FNDC8: variants seen among roughly 807,000 people sequenced by gnomAD.
FNDC8 encodes fibronectin type III domain-containing protein 8.
FNDC8 carries 23 observed loss-of-function variants against 24.8 expected under a neutral mutation model. The observed-to-expected ratio is 0.93, with a 90% CI of 0.67 to 1.31. The LOEUF (loss-of-function observed/expected upper bound fraction) is 1.31. Among genes scored for constraint, FNDC8 ranks in the 40% most tolerant of loss-of-function variants. The pLI is 0.00. For missense variants in FNDC8, 371 were observed against 398.2 expected (o/e 0.93, Z 0.58); for synonymous variants, 158 against 165.3 (o/e 0.96, Z 0.34).
chr17:35,122,208 A>ATATATATATAT (rs1567738641), intron 1 of FNDC8, among the ~76,000 whole-genome samples: 18 of 9,142 alleles, frequency 2.0e-3, no homozygotes, highest in East Asian at 5.9e-3. Flanking sequence ...ATATATATAT[A>ATATATATATAT]AATTTTTTTT....
intron 2 of FNDC8, among the ~76,000 whole-genome samples, 177 bp downstream of exon 2, chr17:35,127,594 G>A (rs375770360): frequency 2.0e-5 from 3 of 152,220 alleles, no homozygotes; most frequent in Non-Finnish European, 2.9e-5. Context: ...GTTCAGTGCT[G>A]TAGGAAAAGT....
intron 1 of FNDC8, among the ~76,000 whole-genome samples, chr17:35,123,628 C>T (rs895004724): frequency 6.6e-6 from 1 of 152,102 alleles, no homozygotes; most frequent in African/African-American, 2.4e-5. Flanking sequence ...GTCCCAGCTA[C>T]TCAAGAGGCT....
Position 35,121,638 on chromosome 17 carries a change from C to A in FNDC8, c.-56C>A. The A allele has an allele frequency of 6.4e-7, 1 of 1,568,184 alleles. No homozygotes were observed. Among genetic ancestry groups the A allele is most frequent in the Non-Finnish European group, 8.8e-7 (1 of 1,140,156 alleles). ...CCACTGCCCCCACAGTTTCTCTCTG[C>A]TTCTGGTCAGCTGGGTTGTCCTGCA... On this transcript the variant is annotated 5_prime_UTR_variant, in exon 1 of 4. Coordinates refer to ENST00000158009, the MANE Select transcript of FNDC8 (RefSeq NM_017559.4).
intron 3 of FNDC8, chr17:35,129,996 G>C (rs2091866669): frequency 2.2e-6 from 3 of 1,378,236 alleles, no homozygotes; most frequent in Non-Finnish European, 2.8e-6. Flanking sequence ...GGGAAGACAA[G>C]AGGCTAAAGG....
In FNDC8 at chr17:35,127,287, G is replaced by T. The variant is rs1184124612; in HGVS notation, c.455G>T (p.Gly152Val). Residue 152 changes from glycine (G) to valine (V), a missense_variant, in exon 2 of 4, where the codon GGC becomes GTC. By Grantham distance (109) the Gly-to-Val change is moderately radical. Transcript: ENST00000158009. ...CPSKSQMATRGLLDLDNPELE... is the reference protein window; with the variant it reads ...CPSKSQMATRVLLDLDNPELE... ...TCGAAGTCCCAGATGGCCACAAGGG[G>T]CCTGCTGGACCTTGACAACCCTGAG... is the stretch of plus-strand genomic sequence containing the variant. The T allele has an allele frequency of 6.2e-7, 1 of 1,614,088 alleles. No homozygotes were observed. Among genetic ancestry groups the T allele is most frequent in the Non-Finnish European group, 8.5e-7 (1 of 1,179,968 alleles).
At chr17:35,124,325 C>A (rs138161091) in intron 1 of FNDC8, among the ~76,000 whole-genome samples, 1 of 151,876 alleles carries the variant, frequency 6.6e-6, no homozygotes, top group African/African-American at 2.4e-5. Flanking sequence ...GTCAAGAGAT[C>A]GAGACCATCC....
intron 1 of FNDC8, among the ~76,000 whole-genome samples, chr17:35,124,096 C>T (rs1232965800): frequency 6.6e-6 from 1 of 152,140 alleles, no homozygotes; most frequent in Non-Finnish European, 1.5e-5. Flanking sequence ...GCTGATGAGG[C>T]TGGAACCTGG....
intron 3 of FNDC8, 67 bp downstream of exon 3, chr17:35,129,725 G>A: frequency 6.4e-7 from 1 of 1,561,628 alleles, no homozygotes; most frequent in South Asian, 1.2e-5. Flanking sequence ...CCAGGGCTTT[G>A]GAGGTTGGGA....
At chr17:35,130,074 A>G (rs2142495882) in intron 3 of FNDC8, 1 of 1,419,372 alleles carries the variant, frequency 7.0e-7, no homozygotes, top group East Asian at 2.6e-5. Context: ...GAGTACAGAC[A>G]GCCCTTTGGT....
chr17:35,123,566 C>T (rs1476127799), intron 1 of FNDC8, among the ~76,000 whole-genome samples: 2 of 152,030 alleles, frequency 1.3e-5, no homozygotes, highest in African/African-American at 4.8e-5. Context: ...GGTGAAACCT[C>T]GTCTCTACTA....
chr17:35,128,955 C>A, intron 2 of FNDC8: 1 of 168,848 alleles, frequency 5.9e-6, no homozygotes, highest in Non-Finnish European at 1.3e-5. Flanking sequence ...TAGATCCCTC[C>A]CATACAATTC....
At chr17:35,125,047 C>CAAAAAAAAAA (rs60189697) in intron 1 of FNDC8, among the ~76,000 whole-genome samples, 1 of 62,524 alleles carries the variant, frequency 1.6e-5, no homozygotes. Context: ...GACTCCAGCT[C>CAAAAAAAAAA]AAAAAAAAAA....
intron 1 of FNDC8, among the ~76,000 whole-genome samples, 182 bp downstream of exon 1, chr17:35,122,084 A>C (rs1414169261): frequency 8.0e-6 from 1 of 124,464 alleles, no homozygotes; most frequent in African/African-American, 3.0e-5. Flanking sequence ...TCTTGAGCTC[A>C]AGTGATCTTC....
chr17:35,129,911 A>AT (rs1224932516), intron 3 of FNDC8: 2 of 1,392,378 alleles, frequency 1.4e-6, no homozygotes, highest in African/African-American at 2.9e-5. Context: ...TTCCAAAGCC[A>AT]TTGGTTTTTA....
At position 35,127,150 on chromosome 17, in the gene FNDC8, C is replaced by CA; in HGVS notation, c.319dup (p.Ser107LysfsTer27). 6.2e-7 allele frequency: 1 copy of CA among 1,614,242 alleles called. No homozygotes were observed. The highest frequency in any genetic ancestry group is 1.1e-5 in the South Asian group (1 of 91,084). ...TCAAATTAGCTGTGACCCAGCCCAA[C>CA]AGCAGCTTCTTTGCAGGGATGCTGG... On this transcript the variant is annotated frameshift_variant, in exon 2 of 4. Coordinates refer to ENST00000158009, the MANE Select transcript of FNDC8 (RefSeq NM_017559.4). LOFTEE classifies it high-confidence loss of function.
rs983525182 is a variant in FNDC8, at chr17:35,130,628, A to G, written c.*194A>G. The G allele has an allele frequency of 5.1e-6, 3 of 587,308 alleles. No individual in the cohort carries two copies. The highest frequency in any genetic ancestry group is 8.9e-6 in the Non-Finnish European group (3 of 335,488). 36.4% of individuals were successfully genotyped at this position (587,308 alleles called of 1,614,324 possible). ...CATTCACCTGGAGGCATCTCAGGCCAGGCCATGCCAGGCTCAGCCACTGCC... is the reference window on the plus strand; with the variant it reads ...CATTCACCTGGAGGCATCTCAGGCCGGGCCATGCCAGGCTCAGCCACTGCC... On this transcript the variant is annotated 3_prime_UTR_variant, in exon 4 of 4. Transcript: ENST00000158009.
At chr17:35,123,252 G>C (rs2091837092) in intron 1 of FNDC8, among the ~76,000 whole-genome samples, 1 of 152,152 alleles carries the variant, frequency 6.6e-6, no homozygotes, top group African/African-American at 2.4e-5. Context: ...GGGCTCCACA[G>C]ACTACATAGC....
At chr17:35,125,011 G>A (rs1238106737) in intron 1 of FNDC8, among the ~76,000 whole-genome samples, 5 of 148,354 alleles carry the variant, frequency 3.4e-5, no homozygotes, top group Non-Finnish European at 7.4e-5. Flanking sequence ...TCACACCAGT[G>A]CACTCCAGCC....
intron 1 of FNDC8, among the ~76,000 whole-genome samples, chr17:35,122,242 G>A (rs1349672505): frequency 3.3e-5 from 4 of 123,016 alleles, no homozygotes; most frequent in Non-Finnish European, 4.9e-5. Context: ...GGGTTTCACC[G>A]TGTTGCCCAG....
Sources: gnomAD v4.1 joint callset for allele counts (sites outside exome capture counted in the v4.1 genomes callset) on GRCh38, gnomAD v4.1.1 for gene constraint, MANE v1.5 for transcripts, NCBI Gene and HGNC (gene_info 2026-07-23, HGNC 2026-07-21) for gene names.